Variants in MYCBP2 observed in about 807,000 individuals in gnomAD.
The protein encoded by MYCBP2 is MYC binding protein 2, also known as E3 ubiquitin-protein ligase MYCBP2.
In MYCBP2, 120 loss-of-function variants were observed where a neutral mutation model predicts 525.3. That is an observed-to-expected ratio of 0.23 (90% CI 0.20 to 0.27). The LOEUF (loss-of-function observed/expected upper bound fraction) is 0.27, where lower values mean the gene tolerates loss of function less well. Among genes scored for constraint, MYCBP2 ranks in the 10% least tolerant of loss-of-function variants. MYCBP2 has a pLI of 1.00. For synonymous variants in MYCBP2, 1,894 were observed against 1,955.8 expected, an observed-to-expected ratio of 0.97 and a Z score of 0.83; for missense variants, 4,149 against 5,657.1, an observed-to-expected ratio of 0.73 and a Z score of 8.55.
At chr13:77,319,917 C>G (rs1219220949) in intron 1 of MYCBP2, among the ~76,000 whole-genome samples, 1 of 152,188 alleles carries the variant, frequency 6.6e-6, no homozygotes, top group Non-Finnish European at 1.5e-5. Flanking sequence ...GAAACAGACT[C>G]TCAAATGCAG....
chr13:77,284,484 T>G (rs2076531444), intron 3 of MYCBP2, among the ~76,000 whole-genome samples: 1 of 152,216 alleles, frequency 6.6e-6, no homozygotes, highest in African/African-American at 2.4e-5. Flanking sequence ...CTTCATGTCA[T>G]GGAAATGGCT....
intron 40 of MYCBP2, among the ~76,000 whole-genome samples, chr13:77,166,968 C>T (rs73543878): frequency 0.073 from 5,817 of 79,436 alleles, 361 homozygotes; most frequent in African/African-American, 0.2. Context: ...AAAGACAAAA[C>T]ACACACATAC....
At position 77,071,954 on chromosome 13, in the gene MYCBP2, A is replaced by G. The variant is rs376162422; in HGVS notation, c.11824-1243T>C. On this transcript the variant is annotated intron_variant, in intron 68 of 82. Transcript: ENST00000544440. The stretch of plus-strand genomic sequence containing the variant: ...CAGGAAAATTCCCAAATATTTGGGA[A>G]TTAAACAAGGTGCTTCTAAATTACC... Among the ~76,000 whole-genome samples the G allele has an allele frequency of 1.2e-4, 19 of 152,328 alleles. No homozygotes were observed. In the East Asian group the frequency reaches 3.1e-3, roughly 25 times the overall value.
At chr13:77,297,323 C>A (rs1466654138) in intron 1 of MYCBP2, among the ~76,000 whole-genome samples, 1 of 152,162 alleles carries the variant, frequency 6.6e-6, no homozygotes, top group Admixed American at 6.5e-5. Context: ...GTTCACCATG[C>A]TGAGATGCAA....
chr13:77,202,979 T>C (rs1250126639), intron 26 of MYCBP2, among the ~76,000 whole-genome samples: 1 of 151,856 alleles, frequency 6.6e-6, no homozygotes, highest in Non-Finnish European at 1.5e-5. Context: ...CTTTGAAAAC[T>C]GGCACAAGAC....
intron 1 of MYCBP2, among the ~76,000 whole-genome samples, chr13:77,298,568 G>C (rs1444078015): frequency 6.6e-6 from 1 of 152,078 alleles, no homozygotes; most frequent in East Asian, 1.9e-4. Context: ...AGTGAGGAAG[G>C]GGAGAAATGA....
chr13:77,261,928 T>C, intron 11 of MYCBP2, 125 bp downstream of exon 11: 3 of 741,992 alleles, frequency 4.0e-6, no homozygotes, highest in Non-Finnish European at 6.1e-6. Context: ...TAAAAAATAA[T>C]TTTAAATCAA....
intron 39 of MYCBP2, among the ~76,000 whole-genome samples, chr13:77,169,060 A>G: frequency 6.6e-6 from 1 of 152,246 alleles, no homozygotes. Flanking sequence ...CTTTCCTTAC[A>G]TATCATATTC....
chr13:77,093,033 T>C (rs2045693413), intron 59 of MYCBP2, 132 bp downstream of exon 59: 1 of 814,400 alleles, frequency 1.2e-6, no homozygotes, highest in Non-Finnish European at 1.9e-6. Flanking sequence ...GTATGCTTTT[T>C]CTTACTGCTC....
At chr13:77,082,988 C>T in intron 63 of MYCBP2, 44 bp downstream of exon 63, 1 of 1,535,862 alleles carries the variant, frequency 6.5e-7, no homozygotes, top group South Asian at 1.2e-5. Flanking sequence ...ATTCCATAAA[C>T]TCTCTTGTCC....
chr13:77,308,526 C>A (rs556776508), intron 1 of MYCBP2, among the ~76,000 whole-genome samples: 2 of 152,314 alleles, frequency 1.3e-5, no homozygotes, highest in South Asian at 4.1e-4. Flanking sequence ...AGTACCTCTC[C>A]CACTGGATGA....
intron 48 of MYCBP2, 122 bp downstream of exon 48, chr13:77,146,040 C>G: frequency 1.7e-6 from 1 of 588,746 alleles, no homozygotes; most frequent in Non-Finnish European, 2.9e-6. Flanking sequence ...TCTCTATCGG[C>G]AACCTAGAAA....
At chr13:77,047,943 T>C (rs961435488) in intron 82 of MYCBP2, among the ~76,000 whole-genome samples, 1 of 152,118 alleles carries the variant, frequency 6.6e-6, no homozygotes. Flanking sequence ...CCCTCTCTGC[T>C]GGCAGAGAGC....
At chr13:77,119,825 AGTGATCCTG>A (rs953408571) in intron 55 of MYCBP2, among the ~76,000 whole-genome samples, 1 of 152,150 alleles carries the variant, frequency 6.6e-6, no homozygotes, top group Non-Finnish European at 1.5e-5. Flanking sequence ...CCTGGCCTCA[AGTGATCCTG>A]TTGCCTCAGC....
At chr13:77,148,295 A>T (rs375598534) in intron 47 of MYCBP2, among the ~76,000 whole-genome samples, 1 of 152,018 alleles carries the variant, frequency 6.6e-6, no homozygotes, top group African/African-American at 2.4e-5. Flanking sequence ...CAGCCAGTGG[A>T]CAATTCACCT....
Position 77,087,463 on chromosome 13 carries a change from C to A in MYCBP2, c.10875+21G>T. 3.1e-6 allele frequency: 5 copies of A among 1,588,424 alleles called. No homozygotes were observed. In the South Asian group the frequency reaches 3.4e-5, roughly 11 times the overall value. On this transcript the variant is annotated intron_variant, in intron 62 of 82. Coordinates refer to ENST00000544440, the MANE Select transcript of MYCBP2 (RefSeq NM_015057.5). ...CAGTTTCTATAAAAATATGCACAAT[C>A]AAAACAAAAATTTCATTTACTTGTT...
chr13:77,311,401 G>A (rs548951237), intron 1 of MYCBP2, among the ~76,000 whole-genome samples: 1 of 152,136 alleles, frequency 6.6e-6, no homozygotes, highest in South Asian at 2.1e-4. Flanking sequence ...CAACTTCAAG[G>A]GAAGAGACAA....
chr13:77,110,070 G>A (rs778019084), intron 55 of MYCBP2: 8 of 152,174 alleles, frequency 5.3e-5, no homozygotes, highest in Admixed American at 3.3e-4. Context: ...GAACAACAGC[G>A]ATTTTCAAGG....
At position 77,076,634 on chromosome 13, in the gene MYCBP2, T is replaced by C. The variant is rs1289865045; in HGVS notation, c.11823+117A>G. 6 of 598,958 alleles carry C rather than the reference T, an allele frequency of 1.0e-5. No homozygotes were observed. The East Asian group carries it at 1.7e-4, about 17-fold the overall frequency. 37.1% of individuals were successfully genotyped at this position (598,958 alleles called of 1,614,324 possible). On this transcript the variant is annotated intron_variant, in intron 68 of 82. Coordinates refer to ENST00000544440, the MANE Select transcript of MYCBP2 (RefSeq NM_015057.5). ...TCCTTCATCTTTCTAAGAACAAATATGAACTGCATAAAACTGTTATTACAT... is the reference window on the plus strand; with the variant it reads ...TCCTTCATCTTTCTAAGAACAAATACGAACTGCATAAAACTGTTATTACAT...
Sources: gnomAD v4.1 joint callset for allele counts (sites outside exome capture counted in the v4.1 genomes callset) on GRCh38, gnomAD v4.1.1 for gene constraint, MANE v1.5 for transcripts, NCBI Gene and HGNC (gene_info 2026-07-23, HGNC 2026-07-21) for gene names.